The following CD74 variants were observed in gnomAD, a reference collection of about 807,000 sequenced individuals.
The protein encoded by CD74 is CD74 molecule, also known as HLA class II histocompatibility antigen gamma chain.
In CD74, 20 loss-of-function variants were observed where a neutral mutation model predicts 37.1. The ratio of observed to expected loss-of-function variants is 0.54; its 90% confidence interval spans 0.38 to 0.78. CD74 has a LOEUF of 0.78. Among genes scored for constraint, CD74 ranks in the 30% least tolerant of loss-of-function variants. The pLI is 0.00. For missense variants in CD74, 338 were observed against 389.5 expected (o/e 0.87, Z 1.11); for synonymous variants, 150 against 152.0 (o/e 0.99, Z 0.10).
At chr5:150,408,607 G>A (rs1770137312) in intron 1 of CD74, among the ~76,000 whole-genome samples, 1 of 152,216 alleles carries the variant, frequency 6.6e-6, no homozygotes, top group African/African-American at 2.4e-5. Context: ...TCACCATCCA[G>A]ACCCTCGGAC....
In CD74 at chr5:150,402,135, A is replaced by ATGAGG. The variant is rs1278902500; in HGVS notation, c.*100_*104dup. 6.6e-7 allele frequency: 1 copy of ATGAGG among 1,514,138 alleles called. No individual in the cohort carries two copies. Among genetic ancestry groups the ATGAGG allele is most frequent in the African/African-American group, 1.4e-5 (1 of 72,538 alleles). The allele number at this position is 1,514,138 out of a possible 1,614,324, so 93.8% of individuals were successfully genotyped here. A position where few individuals can be genotyped will look rare whatever the true frequency, so the allele number is the denominator to read the frequency against. Reference sequence around the variant, plus strand: ...GAGCCAGGCACCAGGGTCTCATGGGATGAGGTACAGGGTGGGAGATGGGGG... The same window carrying ATGAGG: ...GAGCCAGGCACCAGGGTCTCATGGGATGAGGTGAGGTACAGGGTGGGAGATGGGGG... On this transcript the variant is annotated 3_prime_UTR_variant, in exon 9 of 9. Coordinates refer to ENST00000009530, the MANE Select transcript of CD74 (RefSeq NM_001025159.3). The surrounding 1 kb of genome is among the most constrained non-coding windows in gnomAD (Gnocchi z 4.2).
At chr5:150,411,829 G>T (rs766841561) in intron 1 of CD74, among the ~76,000 whole-genome samples, 11 of 152,164 alleles carry the variant, frequency 7.2e-5, no homozygotes, top group Non-Finnish European at 1.5e-4. Flanking sequence ...ACAGACACCT[G>T]CAACTATCAT....
Position 150,402,436 on chromosome 5 carries a change from G to T in CD74, c.880+127C>A. ...GCCCCCCAACCCTGTTCCTTCGTCT[G>T]TGAAATGGACATCCCAGGAATGTTG... is the stretch of plus-strand genomic sequence containing the variant. On this transcript the variant is annotated intron_variant, in intron 8 of 8. Transcript: ENST00000009530. The surrounding 1 kb of genome is among the most constrained non-coding windows in gnomAD (Gnocchi z 4.2). 1.0e-6 allele frequency: 1 copy of T among 960,624 alleles called. No homozygotes were observed. Among genetic ancestry groups the T allele is most frequent in the Non-Finnish European group, 1.7e-6 (1 of 589,318 alleles). The allele number at this position is 960,624 out of a possible 1,614,324, so 59.5% of individuals were successfully genotyped here.
chr5:150,407,017 A>T lies in CD74; in HGVS notation c.299-57T>A. ...CCCGGTGCCCAGGGAGGAGGGTATC[A>T]GACCCAGATGAGGAAGGGCTGGAAT... On this transcript the variant is annotated intron_variant, in intron 2 of 8. Coordinates refer to ENST00000009530, the MANE Select transcript of CD74 (RefSeq NM_001025159.3). The surrounding 1 kb of genome is among the most constrained non-coding windows in gnomAD (Gnocchi z 4.4). The T allele has an allele frequency of 1.9e-6, 3 of 1,538,528 alleles. No individual in the cohort carries two copies. Among genetic ancestry groups the T allele is most frequent in the Non-Finnish European group, 2.7e-6 (3 of 1,127,044 alleles).
intron 1 of CD74, among the ~76,000 whole-genome samples, chr5:150,408,928 C>A (rs1770160276): frequency 6.6e-6 from 1 of 152,178 alleles, no homozygotes; most frequent in Non-Finnish European, 1.5e-5. Flanking sequence ...ATCAAGGAAG[C>A]CCCTCACCAG....
chr5:150,406,183 T>C lies in CD74; in HGVS notation c.441+76A>G, dbSNP rs73270870. 1,725 of 1,053,060 alleles carry C rather than the reference T, an allele frequency of 1.6e-3. 21 individuals carry two copies. The African/African-American group carries it at 0.02, about 12-fold the overall frequency. 65.2% of individuals were successfully genotyped at this position (1,053,060 alleles called of 1,614,324 possible). A position where few individuals can be genotyped will look rare whatever the true frequency, so the allele number is the denominator to read the frequency against. ...TTGAAAGTCTGCCATGAGCCAGGTATACAGGCCTTGGAGCTTGGCCCGGCC... is the reference window on the plus strand; with the variant it reads ...TTGAAAGTCTGCCATGAGCCAGGTACACAGGCCTTGGAGCTTGGCCCGGCC... On this transcript the variant is annotated intron_variant, in intron 4 of 8. Coordinates refer to ENST00000009530, the MANE Select transcript of CD74 (RefSeq NM_001025159.3).
At chr5:150,405,516 G>T in intron 4 of CD74, 2 of 825,010 alleles carry the variant, frequency 2.4e-6, no homozygotes, top group Non-Finnish European at 3.0e-6. Flanking sequence ...ACTGCCCCCA[G>T]CTAGGTTGAG....
Position 150,406,850 on chromosome 5 carries a change from G to C in CD74, c.378+31C>G, listed in dbSNP as rs375570446. ...TCCTCCATCCAGGCGGGATAACCTTGCCCCTCCCACCACCCTGGGGCTGTC... is the reference window on the plus strand; with the variant it reads ...TCCTCCATCCAGGCGGGATAACCTTCCCCCTCCCACCACCCTGGGGCTGTC... On this transcript the variant is annotated intron_variant, in intron 3 of 8. Transcript: ENST00000009530. 5.1e-4 allele frequency: 718 copies of C among 1,401,594 alleles called. 1 individual carries two copies. The highest frequency in any genetic ancestry group is 6.3e-4 in the Non-Finnish European group (666 of 1,051,626). The allele number at this position is 1,401,594 out of a possible 1,614,324, so 86.8% of individuals were successfully genotyped here.
intron 1 of CD74, among the ~76,000 whole-genome samples, chr5:150,408,530 G>T (rs1770131071): frequency 6.6e-6 from 1 of 152,200 alleles, no homozygotes; most frequent in South Asian, 2.1e-4. Context: ...CCATCCTGCA[G>T]GGGGTGGGCA....
Position 150,404,753 on chromosome 5 carries a change from C to G in CD74, c.552G>C (p.Trp184Cys), listed in dbSNP as rs1396390560. The change falls in exon 6 of 9, where the codon TGG (tryptophan) becomes TGC (cysteine). Residue 184 changes from tryptophan (W) to cysteine (C), a missense_variant. By Grantham distance (215) the Trp-to-Cys change is radical. Coordinates refer to ENST00000009530, the MANE Select transcript of CD74 (RefSeq NM_001025159.3). ...TTTCAAACAGGAGCCAATGGTGCATCCAGCTCTCAAAGACCTAATACGGAT... is the reference window on the plus strand; with the variant it reads ...TTTCAAACAGGAGCCAATGGTGCATGCAGCTCTCAAAGACCTAATACGGAT... Reference protein sequence around the residue: ...ETIDWKVFESWMHHWLLFEMS... With the variant: ...ETIDWKVFESCMHHWLLFEMS... 1 of 1,580,302 alleles carries G rather than the reference C, an allele frequency of 6.3e-7. No individual in the cohort carries two copies. The highest frequency in any genetic ancestry group is 8.6e-7 in the Non-Finnish European group (1 of 1,162,250).
intron 1 of CD74, among the ~76,000 whole-genome samples, 156 bp downstream of exon 1, chr5:150,412,469 G>A (rs1199451481): frequency 6.6e-6 from 1 of 152,208 alleles, no homozygotes; most frequent in Non-Finnish European, 1.5e-5. Context: ...GCCCAGAGCA[G>A]GCCAAAGACT....
chr5:150,404,778 T>C lies in CD74; in HGVS notation c.538-11A>G, dbSNP rs1466865025. Reference sequence around the variant, plus strand: ...CCAGCTCTCAAAGACCTAATACGGATAGAGGTGGAGGTCAGGTTCGATGGC... The same window carrying C: ...CCAGCTCTCAAAGACCTAATACGGACAGAGGTGGAGGTCAGGTTCGATGGC... On this transcript the variant is annotated splice_polypyrimidine_tract_variant and intron_variant, in intron 5 of 8. Coordinates refer to ENST00000009530, the MANE Select transcript of CD74 (RefSeq NM_001025159.3). 1 of 1,548,518 alleles carries C rather than the reference T, an allele frequency of 6.5e-7. No individual in the cohort carries two copies. Among genetic ancestry groups the C allele is most frequent in the South Asian group, 1.2e-5 (1 of 84,748 alleles).
Position 150,402,940 on chromosome 5 carries a change from G to T in CD74, c.817+181C>A, listed in dbSNP as rs2151168807. ...GCATGTAAGAGGAGAGATGATAAAT[G>T]GACAAATAGGAATGCACAGGTGGGT... On this transcript the variant is annotated intron_variant, in intron 7 of 8. Coordinates refer to ENST00000009530, the MANE Select transcript of CD74 (RefSeq NM_001025159.3). The surrounding 1 kb of genome is among the most constrained non-coding windows in gnomAD (Gnocchi z 4.2). Among the ~76,000 whole-genome samples, 1 of 152,318 alleles carries T rather than the reference G, an allele frequency of 6.6e-6. No individual in the cohort carries two copies. The highest frequency in any genetic ancestry group is 1.9e-4 in the East Asian group (1 of 5,184).
chr5:150,404,300 G>A (rs1436689871), intron 6 of CD74, among the ~76,000 whole-genome samples: 1 of 152,186 alleles, frequency 6.6e-6, no homozygotes, highest in Non-Finnish European at 1.5e-5. Context: ...TGACCTTGGC[G>A]CCCTCACTGG....
At chr5:150,406,734 C>T (rs1769984048) in intron 3 of CD74, 147 bp downstream of exon 3, 3 of 602,788 alleles carry the variant, frequency 5.0e-6, no homozygotes, top group Admixed American at 3.1e-5. Flanking sequence ...CTGGGGAGCC[C>T]GATTCTTCCT....
chr5:150,402,016 C>T lies in CD74; in HGVS notation c.*224G>A, dbSNP rs1361418798. On this transcript the variant is annotated 3_prime_UTR_variant, in exon 9 of 9. Coordinates refer to ENST00000009530, the MANE Select transcript of CD74 (RefSeq NM_001025159.3). The surrounding 1 kb of genome is among the most constrained non-coding windows in gnomAD (Gnocchi z 4.2). ...CTTTTGGCCACTTCCTGGGACCTCA[C>T]GCCCCTGTTGACAGATGGAGATTGG... 5 of 1,532,102 alleles carry T rather than the reference C, an allele frequency of 3.3e-6. No homozygotes were observed. Among genetic ancestry groups the T allele is most frequent in the East Asian group, 2.4e-5 (1 of 40,892 alleles). The allele number at this position is 1,532,102 out of a possible 1,614,324, so 94.9% of individuals were successfully genotyped here.
In CD74 at chr5:150,407,726, G is replaced by A. The variant is rs1268992357; in HGVS notation, c.126-402C>T. 3.3e-5 allele frequency among the ~76,000 whole-genome samples: 5 copies of A among 151,720 alleles called. No homozygotes were observed. On this transcript the variant is annotated intron_variant, in intron 1 of 8. Transcript: ENST00000009530. The surrounding 1 kb of genome is among the most constrained non-coding windows in gnomAD (Gnocchi z 4.4). ...CCTGATGATCAGGGCTGCCCTCAAG[G>A]GGAACAGGTTTGGTTTTTGTTTTGT...
chr5:150,412,406 A>T (rs2151187174), intron 1 of CD74, among the ~76,000 whole-genome samples: 1 of 152,348 alleles, frequency 6.6e-6, no homozygotes, highest in Non-Finnish European at 1.5e-5. Context: ...AAGGAAAGTT[A>T]CAAACTCCTG....
intron 1 of CD74, among the ~76,000 whole-genome samples, chr5:150,411,458 G>T (rs1265779845): frequency 6.6e-6 from 1 of 152,230 alleles, no homozygotes; most frequent in Non-Finnish European, 1.5e-5. Flanking sequence ...TCTCTGCAGG[G>T]TTCTCCCAAA....
Sources: allele counts gnomAD v4.1 joint callset (sites outside exome capture counted in the v4.1 genomes callset), GRCh38; gene constraint gnomAD v4.1.1; non-coding constraint Gnocchi (gnomAD v3.1); transcripts MANE v1.5; gene names NCBI Gene and HGNC (gene_info 2026-07-23, HGNC 2026-07-21).